The following KPNA7 variants were observed in gnomAD, a reference collection of about 807,000 sequenced individuals.
The protein encoded by KPNA7 is karyopherin subunit alpha 7.
KPNA7 carries 54 observed loss-of-function variants against 53.7 expected under a neutral mutation model. That is an observed-to-expected ratio of 1.01 (90% CI 0.81 to 1.26). The LOEUF (loss-of-function observed/expected upper bound fraction) is 1.26, where lower values mean the gene tolerates loss of function less well. Ranked by LOEUF, KPNA7 falls within the 50% of genes most tolerant of loss-of-function variation. KPNA7 has a pLI of 0.00. For synonymous variants in KPNA7, 276 were observed against 259.3 expected (o/e 1.06, Z -0.62); for missense variants, 640 against 644.5 (o/e 0.99, Z 0.07).
chr7:99,170,773 T>C (rs1003144618), downstream of KPNA7, among the ~76,000 whole-genome samples: 1 of 152,064 alleles, frequency 6.6e-6, no homozygotes, highest in African/African-American at 2.4e-5. Flanking sequence ...GTCAGTAGAG[T>C]TGAGACAGGG....
chr7:99,181,834 T>A (rs1359792821), intron 9 of KPNA7, 49 bp downstream of exon 9: 4 of 1,411,522 alleles, frequency 2.8e-6, no homozygotes, highest in Non-Finnish European at 3.8e-6. Flanking sequence ...AATGCTTGTA[T>A]CCAGTTGGAG....
chr7:99,173,336 C>T (rs922238371), downstream of KPNA7, among the ~76,000 whole-genome samples: 2 of 152,036 alleles, frequency 1.3e-5, no homozygotes, highest in Admixed American at 6.6e-5. Context: ...GAATTACAGG[C>T]ATGCGTCACC....
chr7:99,182,359 A>G (rs539370698), intron 8 of KPNA7, among the ~76,000 whole-genome samples: 5 of 152,190 alleles, frequency 3.3e-5, no homozygotes, highest in South Asian at 4.2e-4. Context: ...CACCACGCCC[A>G]GCTAATTTTT....
At chr7:99,207,041 A>AT (rs34306427) in intron 2 of KPNA7, among the ~76,000 whole-genome samples, 218 of 149,376 alleles carry the variant, frequency 1.5e-3, no homozygotes, top group South Asian at 5.5e-3. Context: ...GCCCCCCGCT[A>AT]TTTTTTTTTT....
chr7:99,212,295 A>C (rs1339138677), upstream of KPNA7, among the ~76,000 whole-genome samples: 1 of 119,032 alleles, frequency 8.4e-6, no homozygotes, highest in African/African-American at 3.3e-5. Flanking sequence ...CCCAGGCTGG[A>C]GTGCAGTGGT....
At chr7:99,158,101 T>C in the KPNA7 span, among the ~76,000 whole-genome samples, 3 of 151,198 alleles carry the variant, frequency 2.0e-5, no homozygotes, top group Non-Finnish European at 4.4e-5. Context: ...CCCACGCTGG[T>C]CTGGTACTCC....
chr7:99,200,917 G>A (rs1050045463), intron 3 of KPNA7, among the ~76,000 whole-genome samples: 1 of 152,062 alleles, frequency 6.6e-6, no homozygotes. Flanking sequence ...GCAGTGAGCC[G>A]AGATTGTGCC....
At chr7:99,168,597 A>G (rs1440232869), downstream of KPNA7, among the ~76,000 whole-genome samples, 1 of 151,768 alleles carries the variant, frequency 6.6e-6, no homozygotes, top group Non-Finnish European at 1.5e-5. Flanking sequence ...AGCTGCCTCA[A>G]CCTCCTGGGC....
chr7:99,171,125 C>A (rs1431410621), downstream of KPNA7, among the ~76,000 whole-genome samples: 3 of 152,152 alleles, frequency 2.0e-5, no homozygotes, highest in Admixed American at 2.0e-4. Context: ...GAGGCTGAGG[C>A]AGGAGAATCG....
chr7:99,171,054 T>TA (rs201186897), downstream of KPNA7, among the ~76,000 whole-genome samples: 2,190 of 151,448 alleles, frequency 0.014, 40 homozygotes, highest in African/African-American at 0.047. Flanking sequence ...TCTCTACTAA[T>TA]AAAAAAAATA....
chr7:99,195,168 A>C lies in KPNA7; in HGVS notation c.455T>G (p.Val152Gly). 1.9e-6 allele frequency: 3 copies of C among 1,551,498 alleles called. No homozygotes were observed. Among genetic ancestry groups the C allele is most frequent in the Non-Finnish European group, 2.6e-6 (3 of 1,146,978 alleles). Residue 152 changes from valine to glycine, a missense_variant, in exon 5 of 11, where the codon GTG becomes GGG. Coordinates refer to ENST00000327442, the MANE Select transcript of KPNA7 (RefSeq NM_001145715.3). ...GGGCTGGATGGCTCCCCCTTCTACC[A>C]CGGCACGAGTCTGCTCCGAAGTCCC... ...ASGTSEQTRAVVEGGAIQPLI... is the reference protein window; with the variant it reads ...ASGTSEQTRAGVEGGAIQPLI...
intron 9 of KPNA7, among the ~76,000 whole-genome samples, chr7:99,179,634 G>GA (rs1035405502): frequency 4.6e-4 from 69 of 151,472 alleles, no homozygotes; most frequent in Non-Finnish European, 7.5e-4. Flanking sequence ...GCCCAAGCTG[G>GA]AGTGCAGTGG....
chr7:99,164,503 G>A, the KPNA7 span, among the ~76,000 whole-genome samples: 186 of 152,256 alleles, frequency 1.2e-3, no homozygotes, highest in Non-Finnish European at 1.1e-3. Flanking sequence ...TAGGGGTAGG[G>A]GGAGGGATAG....
At chr7:99,209,682 C>CAAAAAA (rs60377276), upstream of KPNA7, among the ~76,000 whole-genome samples, 124 of 73,538 alleles carry the variant, frequency 1.7e-3, no homozygotes, top group East Asian at 3.9e-3. Flanking sequence ...GACTCCAACT[C>CAAAAAA]AAAAAAAAAA....
chr7:99,180,515 CTGTG>C (rs1375169449), intron 9 of KPNA7, among the ~76,000 whole-genome samples: 1 of 147,700 alleles, frequency 6.8e-6, no homozygotes, highest in African/African-American at 2.6e-5. Context: ...CTCTCTCTCT[CTGTG>C]TCTCTATCTC....
In KPNA7 at chr7:99,192,740, A is replaced by G. The variant is rs367936047; in HGVS notation, c.636+279T>C. On this transcript the variant is annotated intron_variant, in intron 6 of 10. Transcript: ENST00000327442. ...CTTGTTTATGAGGTTCTAAGAGGCC[A>G]GGCAGCAGCCACATGATCTAGCATT... Among the ~76,000 whole-genome samples the G allele has an allele frequency of 1.5e-4, 23 of 152,316 alleles. No individual in the cohort carries two copies. The South Asian group carries it at 1.9e-3, about 12-fold the overall frequency.
chr7:99,176,309 AAAAGAAAGAAAG>A lies in KPNA7; in HGVS notation c.1464+1599_1464+1610del, dbSNP rs202057365. Among the ~76,000 whole-genome samples the A allele has an allele frequency of 3.8e-5, 4 of 104,834 alleles. 1 individual carries two copies. Among genetic ancestry groups the A allele is most frequent in the Non-Finnish European group, 6.7e-5 (3 of 45,008 alleles). The allele number at this position is 104,834 out of a possible 152,430, so 68.8% of individuals were successfully genotyped here. A position where few individuals can be genotyped will look rare whatever the true frequency, so the allele number is the denominator to read the frequency against. On this transcript the variant is annotated intron_variant, in intron 10 of 10. Transcript: ENST00000327442. Reference sequence around the variant, plus strand: ...CGAGACTACGTCTCAAAAAAAAAAAAAAAGAAAGAAAGAAAGAAAGAAAAGAAAAATTTCTGA... The same window carrying A: ...CGAGACTACGTCTCAAAAAAAAAAAAAAAGAAAGAAAAGAAAAATTTCTGA...
chr7:99,207,611 AGCTTT>A, intron 1 of KPNA7, 122 bp from the exon 2 acceptor site: 2 of 166,260 alleles, frequency 1.2e-5, no homozygotes, highest in Admixed American at 8.4e-5. Flanking sequence ...CCAGGAAGCT[AGCTTT>A]TTTTTTTTTT....
chr7:99,186,744 AAACAACAAC>A (rs375324904), intron 7 of KPNA7, among the ~76,000 whole-genome samples: 1 of 151,854 alleles, frequency 6.6e-6, no homozygotes, highest in Non-Finnish European at 1.5e-5. Context: ...CTTTGTCAAA[AAACAACAAC>A]AACAACAACA....
Sources: gnomAD v4.1 joint callset for allele counts (sites outside exome capture counted in the v4.1 genomes callset) on GRCh38, gnomAD v4.1.1 for gene constraint, MANE v1.5 for transcripts, NCBI Gene and HGNC (gene_info 2026-07-23, HGNC 2026-07-21) for gene names.